Variants in NCKAP1L observed in about 807,000 individuals in gnomAD.
NCKAP1L encodes the protein NCK associated protein 1 like, also known as nck-associated protein 1-like.
NCKAP1L carries 53 observed loss-of-function variants against 139.2 expected under a neutral mutation model. The ratio of observed to expected loss-of-function variants is 0.38; its 90% CI spans 0.31 to 0.48. NCKAP1L has a LOEUF of 0.48. Among genes scored for constraint, NCKAP1L ranks in the 20% least tolerant of loss-of-function variants. The pLI is 0.98. For synonymous variants in NCKAP1L, 468 were observed against 499.7 expected (o/e 0.94, Z 0.85); for missense variants, 1,151 against 1,381.9 (o/e 0.83, Z 2.65).
chr12:54,502,709 G>T (rs1241101928), intron 3 of NCKAP1L, among the ~76,000 whole-genome samples: 1 of 151,340 alleles, frequency 6.6e-6, no homozygotes, highest in East Asian at 1.9e-4. Flanking sequence ...CATTATGGCT[G>T]GGTGCTGTGG....
chr12:54,543,824 C>T lies in NCKAP1L; in HGVS notation c.*1139C>T, dbSNP rs556093021. ...TGCATCACTTCTGTGAATCCACTGC[C>T]AGGGAGAAGTGGAGAAACAGATCAT... On this transcript the variant is annotated 3_prime_UTR_variant, in exon 31 of 31. Transcript: ENST00000293373. The T allele has an allele frequency of 1.3e-5, 2 of 152,292 alleles. No homozygotes were observed. The highest frequency in any genetic ancestry group is 4.1e-4 in the South Asian group (2 of 4,822). The allele number at this position is 152,292 out of a possible 1,614,324, so 9.4% of individuals were successfully genotyped here. A position where few individuals can be genotyped will look rare whatever the true frequency, so the allele number is the denominator to read the frequency against.
intron 9 of NCKAP1L, among the ~76,000 whole-genome samples, chr12:54,515,224 T>C (rs1047971312): frequency 3.9e-5 from 6 of 152,190 alleles, no homozygotes; most frequent in Non-Finnish European, 8.8e-5. Context: ...TTGATTTAAT[T>C]AAGATACTTT....
In NCKAP1L at chr12:54,531,768, G is replaced by C; in HGVS notation, c.2724G>C (p.Met908Ile). Residue 908 changes from methionine (M) to isoleucine (I), a missense_variant, in exon 25 of 31, where the codon ATG becomes ATC. Coordinates refer to ENST00000293373, the MANE Select transcript of NCKAP1L (RefSeq NM_005337.5). ...GGGCTGAAAATGTGCTAAAGCGCATGACCATCATTGGGGTTATCCTCAGTT... is the reference window on the plus strand; with the variant it reads ...GGGCTGAAAATGTGCTAAAGCGCATCACCATCATTGGGGTTATCCTCAGTT... ...LTGAENVLKR[M>I]TIIGVILSFR... The C allele has an allele frequency of 3.7e-6, 6 of 1,612,870 alleles. No homozygotes were observed. Among genetic ancestry groups the C allele is most frequent in the Non-Finnish European group, 5.1e-6 (6 of 1,178,926 alleles).
At chr12:54,525,538 G>C (rs769760264) in intron 20 of NCKAP1L, among the ~76,000 whole-genome samples, 30 of 152,126 alleles carry the variant, frequency 2.0e-4, no homozygotes, top group African/African-American at 7.0e-4. Flanking sequence ...AGTTTTACCC[G>C]AATAATCTCT....
intron 30 of NCKAP1L, 41 bp from the exon 31 acceptor site, chr12:54,542,534 C>G (rs369657686): frequency 6.9e-7 from 1 of 1,445,732 alleles, no homozygotes; most frequent in African/African-American, 1.4e-5. Flanking sequence ...CAGACAAATG[C>G]CCTACCTGAG....
At chr12:54,539,017 G>C (rs1398599636) in intron 30 of NCKAP1L, 44 bp downstream of exon 30, 1 of 1,545,348 alleles carries the variant, frequency 6.5e-7, no homozygotes, top group South Asian at 1.1e-5. Flanking sequence ...GGAATGGAAG[G>C]GCCAGAGGGA....
intron 3 of NCKAP1L, among the ~76,000 whole-genome samples, chr12:54,501,783 G>A (rs1264414829): frequency 1.3e-5 from 2 of 152,100 alleles, no homozygotes; most frequent in Non-Finnish European, 2.9e-5. Context: ...GGACTGTGCC[G>A]GCCTATTTTT....
intron 9 of NCKAP1L, among the ~76,000 whole-genome samples, chr12:54,514,866 G>A (rs368089755): frequency 6.6e-5 from 10 of 152,130 alleles, no homozygotes; most frequent in Admixed American, 5.2e-4. Context: ...AGGTGGATTT[G>A]GGCATATGCA....
At chr12:54,532,023 G>C in intron 25 of NCKAP1L, 147 bp from the exon 26 acceptor site, 2 of 749,342 alleles carry the variant, frequency 2.7e-6, no homozygotes, top group East Asian at 5.5e-5. Flanking sequence ...AGGAAACCTA[G>C]AGGCATAAGG....
intron 3 of NCKAP1L, among the ~76,000 whole-genome samples, chr12:54,504,441 A>G (rs1298409724): frequency 6.6e-6 from 1 of 152,214 alleles, no homozygotes; most frequent in Non-Finnish European, 1.5e-5. Context: ...GCAAGAGGGT[A>G]GGTGCTGGTG....
At chr12:54,540,569 A>G (rs930119255) in intron 30 of NCKAP1L, among the ~76,000 whole-genome samples, 1 of 152,222 alleles carries the variant, frequency 6.6e-6, no homozygotes, top group Non-Finnish European at 1.5e-5. Flanking sequence ...AATCCTTATG[A>G]TAGAGTGGTT....
At chr12:54,516,447 TTTC>T in intron 10 of NCKAP1L, 152 bp downstream of exon 10, 6 of 692,618 alleles carry the variant, frequency 8.7e-6, no homozygotes, top group Non-Finnish European at 1.4e-5. Flanking sequence ...TTTCTTTTCT[TTTC>T]TTTTTTTTTT....
chr12:54,526,181 A>G (rs1364477078), intron 20 of NCKAP1L, among the ~76,000 whole-genome samples: 1 of 152,198 alleles, frequency 6.6e-6, no homozygotes, highest in Non-Finnish European at 1.5e-5. Flanking sequence ...GTAGAGTTAG[A>G]TGGAATTAGA....
At chr12:54,540,588 T>C (rs1189984627) in intron 30 of NCKAP1L, among the ~76,000 whole-genome samples, 2 of 152,190 alleles carry the variant, frequency 1.3e-5, no homozygotes, top group East Asian at 1.9e-4. Flanking sequence ...TTAGAATCCG[T>C]AAGGTATTAT....
intron 23 of NCKAP1L, 45 bp from the exon 24 acceptor site, chr12:54,531,446 G>A: frequency 6.2e-7 from 1 of 1,609,610 alleles, no homozygotes; most frequent in Non-Finnish European, 8.5e-7. Context: ...TGTAACATTG[G>A]TCTCTTCTTT....
In NCKAP1L at chr12:54,501,805, G is replaced by T. The variant is rs112619814; in HGVS notation, c.306+1180G>T. 2.5e-3 allele frequency among the ~76,000 whole-genome samples: 379 copies of T among 152,170 alleles called. 2 individuals are homozygous for T. Among genetic ancestry groups the T allele is most frequent in the African/African-American group, 8.5e-3 (352 of 41,510 alleles). On this transcript the variant is annotated intron_variant, in intron 3 of 30. Transcript: ENST00000293373. ...GCCGGCCTATTTTTAACTTTTTGAG[G>T]AACTGCTATACTGTTTTCCACAGTG...
intron 30 of NCKAP1L, among the ~76,000 whole-genome samples, chr12:54,540,851 G>A (rs918090948): frequency 6.6e-6 from 1 of 152,226 alleles, no homozygotes; most frequent in Non-Finnish European, 1.5e-5. Flanking sequence ...CAGAGTGACG[G>A]GAACAGAGCT....
chr12:54,536,172 C>G lies in NCKAP1L; in HGVS notation c.3000C>G (p.Leu1000=). ...AGGAATATAAGGTGGCCTGCCTGCT[C>G]TTGATCTTTCTGGCAGTTTCCCTCC... is the stretch of plus-strand genomic sequence containing the variant. ...PEEEYKVACL[L]LIFLAVSLPL... The change falls in exon 28 of 31, where the codon CTC becomes CTG. Residue 1000 remains leucine (L), a synonymous_variant. Coordinates refer to ENST00000293373, the MANE Select transcript of NCKAP1L (RefSeq NM_005337.5). 6.2e-7 allele frequency: 1 copy of G among 1,613,606 alleles called. No homozygotes were observed.
At chr12:54,500,427 A>G in intron 2 of NCKAP1L, 106 bp from the exon 3 acceptor site, 1 of 809,638 alleles carries the variant, frequency 1.2e-6, no homozygotes, top group Non-Finnish European at 2.1e-6. Flanking sequence ...CCCGGCCTCA[A>G]CCCTCTTTAA....
Sources: gnomAD v4.1 joint callset for allele counts (sites outside exome capture counted in the v4.1 genomes callset) on GRCh38, gnomAD v4.1.1 for gene constraint, MANE v1.5 for transcripts, NCBI Gene and HGNC (gene_info 2026-07-23, HGNC 2026-07-21) for gene names.